The following PTPRD variants were observed in gnomAD, a reference collection of about 807,000 sequenced individuals.
PTPRD encodes the protein receptor-type tyrosine-protein phosphatase delta.
A neutral mutation model predicts 214.5 loss-of-function variants in PTPRD; 34 were observed. That is an observed-to-expected ratio of 0.16 (90% CI 0.12 to 0.21). PTPRD has a LOEUF of 0.21. PTPRD is among the 10% of genes least tolerant of loss of function. PTPRD has a pLI of 1.00. For missense variants in PTPRD, 2,545 were observed against 2,398.7 expected (o/e 1.06, Z -1.27); for synonymous variants, 1,128 against 845.7 (o/e 1.33, Z -5.79).
intron 5 of PTPRD, among the ~76,000 whole-genome samples, chr9:9,875,503 T>C (rs2066597677): frequency 1.3e-5 from 2 of 152,230 alleles, no homozygotes; most frequent in South Asian, 4.1e-4. Flanking sequence ...CCTTCTTATT[T>C]TACTTTGCAT....
chr9:9,068,489 G>C (rs1247424805), intron 10 of PTPRD, among the ~76,000 whole-genome samples: 1 of 151,900 alleles, frequency 6.6e-6, no homozygotes, highest in Non-Finnish European at 1.5e-5. Context: ...ATTTCTTTTA[G>C]TTTCTGACAT....
intron 11 of PTPRD, among the ~76,000 whole-genome samples, chr9:8,755,960 G>C (rs2093958329): frequency 1.3e-5 from 2 of 152,218 alleles, no homozygotes; most frequent in Admixed American, 6.5e-5. Context: ...TATGTGTTAA[G>C]ACCCAAATAA....
rs149863242 is a variant in PTPRD at position 10,344,962 on chromosome 9, A to T, written c.-599-3945T>A. 2.7e-3 allele frequency among the ~76,000 whole-genome samples: 418 copies of T among 152,276 alleles called. 10 individuals carry two copies. The highest frequency in any genetic ancestry group is 0.024 in the Admixed American group (363 of 15,288). On this transcript the variant is annotated intron_variant, in intron 2 of 45. Coordinates refer to ENST00000381196, the MANE Select transcript of PTPRD (RefSeq NM_002839.4). ...TTTTAGATGCTATTATAAATCTAAA[A>T]TCATATAAATCTCCTATTATACTAT...
intron 30 of PTPRD, among the ~76,000 whole-genome samples, chr9:8,475,395 C>T (rs898337516): frequency 3.9e-5 from 6 of 152,124 alleles, no homozygotes; most frequent in Admixed American, 6.5e-5. Flanking sequence ...CAGAATTTAT[C>T]ATCTGCGGCC....
chr9:10,431,595 A>C (rs2154520740), intron 2 of PTPRD, among the ~76,000 whole-genome samples: 1 of 152,062 alleles, frequency 6.6e-6, no homozygotes, highest in East Asian at 1.9e-4. Context: ...ACAAGAAAAA[A>C]ACAAACAACC....
chr9:9,612,158 G>C (rs1410550759), intron 7 of PTPRD, among the ~76,000 whole-genome samples: 1 of 151,904 alleles, frequency 6.6e-6, no homozygotes, highest in East Asian at 1.9e-4. Flanking sequence ...TTTACATTAA[G>C]TTCCTTTTTT....
At chr9:10,362,038 G>A (rs1417826178) in intron 2 of PTPRD, among the ~76,000 whole-genome samples, 1 of 152,176 alleles carries the variant, frequency 6.6e-6, no homozygotes, top group Non-Finnish European at 1.5e-5. Context: ...AGAATCTGGA[G>A]AATGGGGTCT....
intron 8 of PTPRD, among the ~76,000 whole-genome samples, chr9:9,505,492 C>G (rs1325201222): frequency 1.3e-5 from 2 of 151,344 alleles, no homozygotes; most frequent in East Asian, 1.9e-4. Flanking sequence ...AATTTGATGC[C>G]AGATTTAGTA....
intron 7 of PTPRD, among the ~76,000 whole-genome samples, chr9:9,586,566 TA>T (rs2092001322): frequency 6.6e-6 from 1 of 152,028 alleles, no homozygotes; most frequent in East Asian, 1.9e-4. Context: ...GGCACAACAT[TA>T]TTTCCTACAA....
chr9:8,549,063 G>C (rs2081204027), intron 14 of PTPRD, among the ~76,000 whole-genome samples: 1 of 152,092 alleles, frequency 6.6e-6, no homozygotes, highest in Admixed American at 6.6e-5. Flanking sequence ...TCTGTCAAGG[G>C]AGTGCAGTGA....
chr9:8,550,219 T>C (rs34388664), intron 14 of PTPRD, among the ~76,000 whole-genome samples: 20,116 of 152,126 alleles, frequency 0.13, 1,475 homozygotes, highest in Non-Finnish European at 0.18. Flanking sequence ...TAGGCCTACA[T>C]TCCAATATAA....
intron 7 of PTPRD, among the ~76,000 whole-genome samples, chr9:9,657,901 C>CCA (rs2096551739): frequency 6.6e-6 from 1 of 152,106 alleles, no homozygotes. Flanking sequence ...ATTTTCCCCC[C>CCA]GACCTAAAGA....
intron 10 of PTPRD, among the ~76,000 whole-genome samples, chr9:9,073,211 G>A (rs1157830915): frequency 6.6e-6 from 1 of 152,132 alleles, no homozygotes; most frequent in Non-Finnish European, 1.5e-5. Flanking sequence ...TTTATTTACT[G>A]TTCATTTTGT....
chr9:9,635,666 T>G (rs547366371), intron 7 of PTPRD, among the ~76,000 whole-genome samples: 5 of 152,194 alleles, frequency 3.3e-5, no homozygotes, highest in Non-Finnish European at 7.3e-5. Context: ...TACTTCTTAT[T>G]GTAGAGTCTC....
chr9:9,570,415 T>C (rs1352934304), intron 8 of PTPRD, among the ~76,000 whole-genome samples: 1 of 151,588 alleles, frequency 6.6e-6, no homozygotes, highest in South Asian at 2.1e-4. Context: ...ACTAAGCTAA[T>C]TTAACTGGCA....
intron 8 of PTPRD, among the ~76,000 whole-genome samples, chr9:9,534,328 C>CA (rs1555530557): frequency 6.6e-6 from 1 of 152,002 alleles, no homozygotes; most frequent in Non-Finnish European, 1.5e-5. Context: ...CTTTATTCTT[C>CA]AAAATTAGTC....
At chr9:10,430,094 A>G (rs1426458261) in intron 2 of PTPRD, among the ~76,000 whole-genome samples, 6 of 151,944 alleles carry the variant, frequency 3.9e-5, no homozygotes, top group Non-Finnish European at 8.8e-5. Context: ...TAAATGCCTC[A>G]GCTTGAGTAA....
chr9:9,905,322 A>G (rs899991683), intron 5 of PTPRD, among the ~76,000 whole-genome samples: 2 of 151,986 alleles, frequency 1.3e-5, no homozygotes, highest in African/African-American at 4.8e-5. Flanking sequence ...TTTCAGGTAG[A>G]GTTTTAAATA....
chr9:9,141,235 C>T (rs1247362638), intron 10 of PTPRD, among the ~76,000 whole-genome samples: 2 of 147,356 alleles, frequency 1.4e-5, no homozygotes, highest in Non-Finnish European at 3.0e-5. Context: ...CTCTCCTCCC[C>T]CCGTCTTCCT....
Sources: allele counts gnomAD v4.1 joint callset (sites outside exome capture counted in the v4.1 genomes callset), GRCh38; gene constraint gnomAD v4.1.1; transcripts MANE v1.5; gene names NCBI Gene and HGNC (gene_info 2026-07-23, HGNC 2026-07-21).